ARHGAP44: variants seen among roughly 807,000 people sequenced by gnomAD.
The protein encoded by ARHGAP44 is Rho GTPase activating protein 44.
In ARHGAP44, 43 loss-of-function variants were observed where a neutral mutation model predicts 106.8. The observed-to-expected ratio is 0.40, with a 90% CI of 0.32 to 0.52. The LOEUF (loss-of-function observed/expected upper bound fraction) is 0.52, where lower values mean the gene tolerates loss of function less well. Among genes scored for constraint, ARHGAP44 ranks in the 20% least tolerant of loss-of-function variants. The pLI is 0.48. For missense variants in ARHGAP44, 866 were observed against 1,050.5 expected, an observed-to-expected ratio of 0.82 and a Z score of 2.43; for synonymous variants, 439 against 410.3, an observed-to-expected ratio of 1.07 and a Z score of -0.85.
At position 12,974,316 on chromosome 17, in the gene ARHGAP44, C is replaced by T; in HGVS notation, c.1763+6C>T. 1 of 1,404,594 alleles carries T rather than the reference C, an allele frequency of 7.1e-7. No individual in the cohort carries two copies. The highest frequency in any genetic ancestry group is 1.6e-5 in the South Asian group (1 of 62,374). The allele number at this position is 1,404,594 out of a possible 1,614,324, so 87.0% of individuals were successfully genotyped here. ...CCTGGGCCCGAGCGCACCAGGTAAG[C>T]GCGGGCCACTGCCGTCCGGGCGGGC... On this transcript the variant is annotated splice_donor_region_variant and intron_variant, in intron 18 of 20. Coordinates refer to ENST00000379672, the MANE Select transcript of ARHGAP44 (RefSeq NM_014859.6).
At chr17:12,849,782 T>C (rs1210872541) in intron 1 of ARHGAP44, among the ~76,000 whole-genome samples, 1 of 152,010 alleles carries the variant, frequency 6.6e-6, no homozygotes, top group East Asian at 1.9e-4. Context: ...GCATGTGTCA[T>C]AAAAAAATAG....
Position 12,949,753 on chromosome 17 carries a change from T to C in ARHGAP44, c.1055+23T>C, listed in dbSNP as rs2038948010. The C allele has an allele frequency of 2.5e-6, 4 of 1,599,526 alleles. No individual in the cohort carries two copies. Among genetic ancestry groups the C allele is most frequent in the Non-Finnish European group, 3.4e-6 (4 of 1,167,472 alleles). The stretch of plus-strand genomic sequence containing the variant: ...CAAGTGAGTACCCCTTGTTTTGGAA[T>C]GTCCTGTGAGTTACAGTTTATTTGG... On this transcript the variant is annotated intron_variant, in intron 12 of 20. Transcript: ENST00000379672. The surrounding 1 kb of genome is among the most constrained non-coding windows in gnomAD (Gnocchi z 4.1).
chr17:12,831,410 G>A (rs1045155673), intron 1 of ARHGAP44, among the ~76,000 whole-genome samples: 1 of 152,186 alleles, frequency 6.6e-6, no homozygotes, highest in Admixed American at 6.5e-5. Flanking sequence ...ACATACTATG[G>A]CAGTAGGGAG....
chr17:12,814,646 AAT>A (rs773818554), intron 1 of ARHGAP44, among the ~76,000 whole-genome samples: 1 of 151,826 alleles, frequency 6.6e-6, no homozygotes, highest in Non-Finnish European at 1.5e-5. Context: ...TATTGATGGG[AAT>A]ATATGTTTAT....
intron 1 of ARHGAP44, among the ~76,000 whole-genome samples, chr17:12,886,970 T>TTG: frequency 7.2e-6 from 1 of 139,506 alleles, no homozygotes; most frequent in African/African-American, 2.9e-5. Flanking sequence ...AAGAGTTTTT[T>TTG]TTTTGTTTTT....
At chr17:12,865,008 G>A (rs1378545526) in intron 1 of ARHGAP44, among the ~76,000 whole-genome samples, 2 of 152,030 alleles carry the variant, frequency 1.3e-5, no homozygotes, top group African/African-American at 2.4e-5. Flanking sequence ...AGAGTGCCTC[G>A]AGGAGAAAAA....
At chr17:12,920,058 A>G (rs1360162222) in intron 6 of ARHGAP44, among the ~76,000 whole-genome samples, 2 of 152,152 alleles carry the variant, frequency 1.3e-5, no homozygotes, top group African/African-American at 4.8e-5. Context: ...GTGAAGAAAC[A>G]AGACAGTTCT....
intron 6 of ARHGAP44, 29 bp downstream of exon 6, chr17:12,919,860 T>G: frequency 6.3e-7 from 1 of 1,583,798 alleles, no homozygotes; most frequent in Non-Finnish European, 8.6e-7. Context: ...CTTTTTTGCT[T>G]CTTTGAAGGG....
At chr17:12,881,063 AT>A (rs1031839664) in intron 1 of ARHGAP44, among the ~76,000 whole-genome samples, 13 of 151,104 alleles carry the variant, frequency 8.6e-5, no homozygotes, top group Middle Eastern at 3.5e-3. Flanking sequence ...TCTTTAGCTC[AT>A]TTTTTTTAGG....
chr17:12,940,255 G>T (rs569463110), intron 7 of ARHGAP44, among the ~76,000 whole-genome samples: 2 of 152,220 alleles, frequency 1.3e-5, no homozygotes, highest in Admixed American at 6.5e-5. Flanking sequence ...CTTAGAGATC[G>T]TATGACTTGA....
Position 12,789,723 on chromosome 17 carries a change from G to T in ARHGAP44, c.-116G>T, listed in dbSNP as rs552936077. The T allele has an allele frequency of 6.2e-6, 6 of 968,866 alleles. No individual in the cohort carries two copies. In the South Asian group the frequency reaches 1.2e-4, roughly 19 times the overall value. The allele number at this position is 968,866 out of a possible 1,614,324, so 60.0% of individuals were successfully genotyped here. ...GGGCCAGACGGCGCCCGGAGGCTCC[G>T]CAGTGCCGCCGCCGTCGCCCGGGAG... On this transcript the variant is annotated 5_prime_UTR_variant, in exon 1 of 21. Transcript: ENST00000379672.
chr17:12,871,676 C>T lies in ARHGAP44; in HGVS notation c.54-23264C>T, dbSNP rs186192932. The stretch of plus-strand genomic sequence containing the variant: ...CCAACATTGGGAATTAACAATTCAA[C>T]GTGAAATTTGGGTGGGGACACAAAT... On this transcript the variant is annotated intron_variant, in intron 1 of 20. Transcript: ENST00000379672. 1.0e-3 allele frequency among the ~76,000 whole-genome samples: 155 copies of T among 152,244 alleles called. 1 individual carries two copies. Among genetic ancestry groups the T allele is most frequent in the African/African-American group, 3.2e-3 (131 of 41,544 alleles).
At chr17:12,954,989 A>C (rs2039091744) in intron 13 of ARHGAP44, among the ~76,000 whole-genome samples, 1 of 152,154 alleles carries the variant, frequency 6.6e-6, no homozygotes, top group African/African-American at 2.4e-5. Context: ...CCAAAAAAGA[A>C]ATCCCCTTCC....
At chr17:12,839,945 CTTAG>C (rs1431032502) in intron 1 of ARHGAP44, among the ~76,000 whole-genome samples, 1 of 152,206 alleles carries the variant, frequency 6.6e-6, no homozygotes, top group East Asian at 1.9e-4. Flanking sequence ...GCCATTCACA[CTTAG>C]TTATTTTCTC....
intron 7 of ARHGAP44, 104 bp from the exon 8 acceptor site, chr17:12,940,952 T>G: frequency 1.1e-6 from 1 of 896,272 alleles, no homozygotes; most frequent in African/African-American, 1.7e-5. Context: ...AAAAGGAGAT[T>G]AAGCAGTGTT....
At chr17:12,850,915 G>A (rs1037711448) in intron 1 of ARHGAP44, among the ~76,000 whole-genome samples, 6 of 152,208 alleles carry the variant, frequency 3.9e-5, no homozygotes, top group African/African-American at 1.4e-4. Context: ...TAACAGGCAG[G>A]CTAGGACCCA....
intron 16 of ARHGAP44, 186 bp downstream of exon 16, chr17:12,959,083 AC>A: frequency 1.5e-6 from 1 of 677,996 alleles, no homozygotes; most frequent in Non-Finnish European, 2.5e-6. Flanking sequence ...CGCCCTTTAG[AC>A]CAGAGGTCAG....
intron 1 of ARHGAP44, among the ~76,000 whole-genome samples, chr17:12,812,282 G>A (rs1349210973): frequency 2.6e-5 from 4 of 152,274 alleles, no homozygotes; most frequent in South Asian, 4.1e-4. Context: ...GAAATATCAC[G>A]TATGGCTTGA....
At chr17:12,966,193 A>G (rs1340777919) in intron 16 of ARHGAP44, among the ~76,000 whole-genome samples, 1 of 151,704 alleles carries the variant, frequency 6.6e-6, no homozygotes, top group East Asian at 1.9e-4. Context: ...AGATTATGTC[A>G]TGGATAAGTG....
Sources: gnomAD v4.1 joint callset for allele counts (sites outside exome capture counted in the v4.1 genomes callset) on GRCh38, gnomAD v4.1.1 for gene constraint, Gnocchi (gnomAD v3.1) non-coding constraint, MANE v1.5 for transcripts, NCBI Gene and HGNC (gene_info 2026-07-23, HGNC 2026-07-21) for gene names.